NLRP8: variants seen among roughly 807,000 people sequenced by gnomAD.
NLRP8 encodes the protein NACHT, LRR and PYD domains-containing protein 8.
NLRP8 carries 86 observed loss-of-function variants against 88.7 expected under a neutral mutation model. The observed-to-expected ratio is 0.97, with a 90% CI of 0.81 to 1.16. NLRP8 has a LOEUF of 1.16. NLRP8 is among the 50% of genes most tolerant of loss of function. The pLI is 0.00. For synonymous variants in NLRP8, 504 were observed against 494.6 expected, an observed-to-expected ratio of 1.02 and a Z score of -0.25; for missense variants, 1,342 against 1,286.5, an observed-to-expected ratio of 1.04 and a Z score of -0.66.
rs1257172104 is a variant in NLRP8, at chr19:55,976,232, C to T, written c.2805C>T (p.Ser935=). ...AAAGTCTTGACCTAAGTTTTAATAG[C>T]CTGAAGGATGATGGGGTGATCCTGC... The change falls in exon 8 of 10, where the codon AGC becomes AGT. Residue 935 remains serine (S), a synonymous_variant. Transcript: ENST00000291971. The T allele has an allele frequency of 1.9e-6, 3 of 1,613,730 alleles. No individual in the cohort carries two copies. The highest frequency in any genetic ancestry group is 2.2e-5 in the South Asian group (2 of 91,034).
intron 2 of NLRP8, among the ~76,000 whole-genome samples, chr19:55,953,411 C>A (rs920007246): frequency 6.6e-6 from 1 of 152,136 alleles, no homozygotes; most frequent in African/African-American, 2.4e-5. Context: ...CCAAAACCAT[C>A]CCCCGCCACC....
chr19:55,965,005 G>A (rs1038547647), intron 4 of NLRP8, among the ~76,000 whole-genome samples: 1 of 152,154 alleles, frequency 6.6e-6, no homozygotes, highest in Admixed American at 6.5e-5. Context: ...GCGTGTGATG[G>A]CCAGGAGTGG....
Position 55,954,644 on chromosome 19 carries a change from A to T in NLRP8, c.586A>T (p.Lys196Ter), listed in dbSNP as rs199733221. The stretch of plus-strand genomic sequence containing the variant: ...GTACTTACCATGTCTGCTTCTGCCC[A>T]AAAGACCCCAGGGTAGACAGCCCAA... The change falls in exon 3 of 10, where the codon AAA becomes TAA. Residue 196 changes from lysine (K) to a stop codon, truncating the protein, a stop_gained. Transcript: ENST00000291971. LOFTEE classifies it high-confidence loss of function. The T allele has an allele frequency of 5.5e-5, 89 of 1,614,080 alleles. No homozygotes were observed. Among genetic ancestry groups the T allele is most frequent in the Non-Finnish European group, 1.7e-6 (2 of 1,180,040 alleles).
Position 55,970,610 on chromosome 19 carries a change from G to A in NLRP8, c.2448G>A (p.Gly816=), listed in dbSNP as rs751322777. 12 of 1,613,918 alleles carry A rather than the reference G, an allele frequency of 7.4e-6. No homozygotes were observed. In the East Asian group the frequency reaches 8.9e-5, roughly 12 times the overall value. ...TTGGCAATAATCTTCAAGGTAACGG[G>A]CATCTAAAGACTCTCATACTAAGAA... Residue 816 remains glycine, a synonymous_variant, in exon 6 of 10, where the codon GGG becomes GGA. Coordinates refer to ENST00000291971, the MANE Select transcript of NLRP8 (RefSeq NM_176811.2).
chr19:55,966,468 G>C, intron 5 of NLRP8, 88 bp downstream of exon 5: 1 of 1,295,428 alleles, frequency 7.7e-7, no homozygotes, highest in South Asian at 1.4e-5. Context: ...GTTTCCCTCT[G>C]TCCTTTCCTT....
chr19:55,952,782 C>T (rs1382471223), intron 2 of NLRP8, among the ~76,000 whole-genome samples, 170 bp downstream of exon 2: 5 of 152,010 alleles, frequency 3.3e-5, no homozygotes, highest in African/African-American at 7.2e-5. Flanking sequence ...AGAAACTAGC[C>T]GGGCGTGGTG....
Position 55,947,965 on chromosome 19 carries a change from T to G in NLRP8, c.63T>G (p.Ser21Arg). The change falls in exon 1 of 10, where the codon AGT becomes AGG. Residue 21 changes from serine (S) to arginine (R), a missense_variant. Transcript: ENST00000291971. ...CCTTTTCATCCTCCTCCACTCACAG[T>G]TCTCATATTCCGCCCTGGACATTCT... 1.9e-6 allele frequency: 3 copies of G among 1,614,052 alleles called. No homozygotes were observed. The highest frequency in any genetic ancestry group is 2.5e-6 in the Non-Finnish European group (3 of 1,180,002).
intron 3 of NLRP8, among the ~76,000 whole-genome samples, chr19:55,957,779 C>T (rs1380437852): frequency 2.1e-5 from 3 of 144,988 alleles, no homozygotes; most frequent in Non-Finnish European, 1.5e-5. Flanking sequence ...AAGTCCAGTC[C>T]TTCATTTAGT....
At position 55,966,253 on chromosome 19, in the gene NLRP8, A is replaced by C. The variant is rs1285231711; in HGVS notation, c.2254A>C (p.Ile752Leu). ...TAGCACCATGTTGAACCAGGACTTA[A>C]TCGGTGTTTTGACGGGGAACCAGCA... is the stretch of plus-strand genomic sequence containing the variant. The change falls in exon 5 of 10, where the codon ATC (isoleucine) becomes CTC (leucine). Residue 752 changes from isoleucine to leucine, a missense_variant. Ile to Leu is a conservative substitution (Grantham distance 5). Transcript: ENST00000291971. 6.2e-7 allele frequency: 1 copy of C among 1,614,102 alleles called. No homozygotes were observed. The highest frequency in any genetic ancestry group is 8.5e-7 in the Non-Finnish European group (1 of 1,179,994).
At chr19:55,953,967 C>T (rs1246922120) in intron 2 of NLRP8, among the ~76,000 whole-genome samples, 1 of 150,254 alleles carries the variant, frequency 6.7e-6, no homozygotes, top group Non-Finnish European at 1.5e-5. Flanking sequence ...CCACGCCTGG[C>T]TAATTTTGTA....
intron 9 of NLRP8, among the ~76,000 whole-genome samples, chr19:55,986,473 TACACACACACACACAC>T (rs896816246): frequency 2.8e-5 from 2 of 72,494 alleles, no homozygotes; most frequent in Non-Finnish European, 6.0e-5. Context: ...CTCTCTCACA[TACACACACACACACAC>T]ACACACACAC....
chr19:55,973,514 T>C (rs1388741568), intron 6 of NLRP8, 138 bp from the exon 7 acceptor site: 2 of 667,846 alleles, frequency 3.0e-6, no homozygotes, highest in Admixed American at 5.5e-5. Context: ...CTTGAAAGCT[T>C]GGAAGTCCTG....
At position 55,987,852 on chromosome 19, in the gene NLRP8, CA is replaced by C; in HGVS notation, c.3088del (p.Thr1030LeufsTer31). The C allele has an allele frequency of 6.2e-7, 1 of 1,614,076 alleles. No individual in the cohort carries two copies. Among genetic ancestry groups the C allele is most frequent in the South Asian group, 1.1e-5 (1 of 91,072 alleles). ...TGGACTCGAATAACTAGCTTCTCCCCAACTCCTCACCCACCCGACTTCACGG... is the reference window on the plus strand; with the variant it reads ...TGGACTCGAATAACTAGCTTCTCCCCACTCCTCACCCACCCGACTTCACGG... On this transcript the variant is annotated frameshift_variant, in exon 10 of 10. Coordinates refer to ENST00000291971, the MANE Select transcript of NLRP8 (RefSeq NM_176811.2). LOFTEE classifies it low-confidence loss of function (END_TRUNC).
chr19:55,978,575 C>T (rs950165706), intron 8 of NLRP8, among the ~76,000 whole-genome samples: 1 of 152,130 alleles, frequency 6.6e-6, no homozygotes, highest in Non-Finnish European at 1.5e-5. Context: ...ACTCATCCCA[C>T]TCCCATGATA....
At chr19:55,969,262 C>T (rs1979972625) in intron 5 of NLRP8, among the ~76,000 whole-genome samples, 1 of 152,178 alleles carries the variant, frequency 6.6e-6, no homozygotes, top group African/African-American at 2.4e-5. Flanking sequence ...CTCCTTCCAA[C>T]CTTCACCCCA....
chr19:55,962,280 T>C, intron 4 of NLRP8, 43 bp downstream of exon 4: 2 of 1,570,682 alleles, frequency 1.3e-6, no homozygotes, highest in South Asian at 1.2e-5. Flanking sequence ...TTTATGGAGA[T>C]GGTCTGTTTC....
chr19:55,987,496 C>T (rs1482936220), intron 9 of NLRP8, among the ~76,000 whole-genome samples: 1 of 152,156 alleles, frequency 6.6e-6, no homozygotes, highest in Admixed American at 6.5e-5. Context: ...CTATGGTTAA[C>T]CGTAACTTAG....
intron 3 of NLRP8, among the ~76,000 whole-genome samples, chr19:55,960,708 A>G (rs1208861655): frequency 1.3e-5 from 2 of 152,098 alleles, no homozygotes; most frequent in Non-Finnish European, 2.9e-5. Context: ...AATCTATTTC[A>G]TGGGATTTAA....
rs1292586897 is a variant in NLRP8 at position 55,970,712 on chromosome 19, A to G, written c.2534+16A>G. The G allele has an allele frequency of 8.7e-6, 14 of 1,613,514 alleles. No individual in the cohort carries two copies. In the Admixed American group the frequency reaches 1.8e-4, roughly 21 times the overall value. Reference sequence around the variant, plus strand: ...AGAGGCTGTCGTAAGTCTCCTTTCTAGTGGCTGTGGTTGTGGTTGTGGTTG... The same window carrying G: ...AGAGGCTGTCGTAAGTCTCCTTTCTGGTGGCTGTGGTTGTGGTTGTGGTTG... On this transcript the variant is annotated intron_variant, in intron 6 of 9. Transcript: ENST00000291971.
Sources: allele counts gnomAD v4.1 joint callset (sites outside exome capture counted in the v4.1 genomes callset), GRCh38; gene constraint gnomAD v4.1.1; transcripts MANE v1.5; gene names NCBI Gene and HGNC (gene_info 2026-07-23, HGNC 2026-07-21).